USP13: variants seen among roughly 807,000 people sequenced by gnomAD.
USP13 encodes ubiquitin specific peptidase 13.
In USP13, 68 loss-of-function variants were observed where a neutral mutation model predicts 107.8. The ratio of observed to expected loss-of-function variants is 0.63; its 90% CI spans 0.52 to 0.77. USP13 has a LOEUF of 0.77. Among genes scored for constraint, USP13 ranks in the 30% least tolerant of loss-of-function variants. The pLI is 0.00. For synonymous variants in USP13, 377 were observed against 389.5 expected (o/e 0.97, Z 0.38); for missense variants, 945 against 1,093.3 (o/e 0.86, Z 1.91).
intron 1 of USP13, among the ~76,000 whole-genome samples, chr3:179,674,268 A>T (rs564957097): frequency 4.6e-5 from 7 of 152,312 alleles, no homozygotes; most frequent in African/African-American, 1.4e-4. Flanking sequence ...TTTGCCCAGG[A>T]CATAGACCAG....
rs1715953306 is a variant in USP13, at chr3:179,787,789, ACAGGGTTTTGC to A, written c.*3651_*3661del. 1 of 152,224 alleles carries A rather than the reference ACAGGGTTTTGC, an allele frequency of 6.6e-6. No homozygotes were observed. The highest frequency in any genetic ancestry group is 2.4e-5 in the African/African-American group (1 of 41,438). 9.4% of individuals were successfully genotyped at this position (152,224 alleles called of 1,614,324 possible). The stretch of plus-strand genomic sequence containing the variant: ...GCTAATTTTTGTATTTTTAGTAGAG[ACAGGGTTTTGC>A]CATGTTGGCCAGGCTGGTCTTGAAC... On this transcript the variant is annotated 3_prime_UTR_variant, in exon 21 of 21. Transcript: ENST00000263966.
chr3:179,659,467 G>C (rs1208470397), intron 1 of USP13, among the ~76,000 whole-genome samples: 1 of 152,182 alleles, frequency 6.6e-6, no homozygotes, highest in Non-Finnish European at 1.5e-5. Flanking sequence ...GGGTGTAGCA[G>C]TCTGTGTGTT....
rs546239368 is a variant in USP13, at chr3:179,767,431, T to G, written c.2413+1583T>G. Among the ~76,000 whole-genome samples, 303 of 151,476 alleles carry G rather than the reference T, an allele frequency of 2.0e-3. 3 individuals are homozygous for G. The highest frequency in any genetic ancestry group is 7.1e-3 in the African/African-American group (293 of 41,294). On this transcript the variant is annotated intron_variant, in intron 19 of 20. Coordinates refer to ENST00000263966, the MANE Select transcript of USP13 (RefSeq NM_003940.3). ...AATGCATTGTTAGTTTTTTTTGGTT[T>G]TTTTTTTTTTTGAGACAGAGTCTCA... is the stretch of plus-strand genomic sequence containing the variant.
chr3:179,774,419 A>G (rs1194001036), intron 19 of USP13, among the ~76,000 whole-genome samples: 1 of 152,122 alleles, frequency 6.6e-6, no homozygotes, highest in African/African-American at 2.4e-5. Flanking sequence ...GACATGTTCA[A>G]AGTTTCTTTC....
At chr3:179,670,050 C>T (rs1385215119) in intron 1 of USP13, among the ~76,000 whole-genome samples, 1 of 152,194 alleles carries the variant, frequency 6.6e-6, no homozygotes, top group Non-Finnish European at 1.5e-5. Flanking sequence ...CAGGACCCTG[C>T]TGGCTTCCTA....
intron 2 of USP13, among the ~76,000 whole-genome samples, chr3:179,683,691 A>G (rs1271357747): frequency 2.6e-5 from 4 of 152,300 alleles, no homozygotes; most frequent in Admixed American, 1.3e-4. Flanking sequence ...CTCCCATGAC[A>G]TGGGGGAATT....
rs571196444 is a variant in USP13, at chr3:179,742,563, A to G, written c.1534+213A>G. 6.6e-6 allele frequency among the ~76,000 whole-genome samples: 1 copy of G among 152,338 alleles called. No homozygotes were observed. Among genetic ancestry groups the G allele is most frequent in the Admixed American group, 6.5e-5 (1 of 15,302 alleles). On this transcript the variant is annotated intron_variant, in intron 12 of 20. Transcript: ENST00000263966. This position sits in a 1 kb window ranked among gnomAD's most constrained non-coding sequence, Gnocchi z 5.0. ...GCATCACAGGTTTTATGGAGGCGTT[A>G]TGGTTGGAACCTACGTCACTGCCTA...
intron 1 of USP13, among the ~76,000 whole-genome samples, chr3:179,676,775 TGAATG>T (rs556919137): frequency 8.2e-4 from 125 of 152,300 alleles, no homozygotes; most frequent in African/African-American, 2.9e-3. Flanking sequence ...GAACTACTGG[TGAATG>T]TATTGGGCAG....
At chr3:179,763,522 A>T (rs1176819380) in intron 17 of USP13, among the ~76,000 whole-genome samples, 1 of 152,172 alleles carries the variant, frequency 6.6e-6, no homozygotes, top group Non-Finnish European at 1.5e-5. Flanking sequence ...CCACAGGTAT[A>T]TGGTTTTATT....
At chr3:179,728,944 G>C (rs969946693) in intron 8 of USP13, among the ~76,000 whole-genome samples, 1 of 151,356 alleles carries the variant, frequency 6.6e-6, no homozygotes, top group Admixed American at 6.6e-5. Context: ...GGGAGACCGT[G>C]GAGAGAGGGA....
At chr3:179,728,159 G>A (rs1178913093) in intron 8 of USP13, among the ~76,000 whole-genome samples, 2 of 133,702 alleles carry the variant, frequency 1.5e-5, no homozygotes, top group East Asian at 2.4e-4. Context: ...GGGCAGAGGC[G>A]CCCCTCACCT....
intron 2 of USP13, among the ~76,000 whole-genome samples, chr3:179,687,608 A>AAG (rs1190928388): frequency 1.4e-5 from 2 of 140,044 alleles, no homozygotes; most frequent in Admixed American, 7.9e-5. Flanking sequence ...GCGGTAAGCC[A>AAG]AGATCATGCC....
intron 19 of USP13, among the ~76,000 whole-genome samples, chr3:179,775,460 G>A (rs907342241): frequency 5.9e-5 from 9 of 152,384 alleles, no homozygotes; most frequent in East Asian, 3.9e-4. Flanking sequence ...GCTTTGCCTA[G>A]TGGATCCTGT....
chr3:179,730,570 A>C (rs201531406), intron 9 of USP13, 46 bp from the exon 10 acceptor site: 28 of 1,516,032 alleles, frequency 1.8e-5, no homozygotes, highest in Admixed American at 3.6e-5. Context: ...ATTACTATGG[A>C]AAAACAACAA....
rs767914957 is a variant in USP13, at chr3:179,701,039, C to T, written c.387C>T (p.Asp129=). 9.3e-6 allele frequency: 15 copies of T among 1,613,784 alleles called. No individual in the cohort carries two copies. The highest frequency in any genetic ancestry group is 1.2e-5 in the Non-Finnish European group (14 of 1,179,964). The change falls in exon 4 of 21, where the codon GAC becomes GAT. Residue 129 remains aspartate (D), a synonymous_variant. Coordinates refer to ENST00000263966, the MANE Select transcript of USP13 (RefSeq NM_003940.3). The part of the protein sequence containing the change: ...DLDTDDDLNS[D]DYEYEDEAKL... ...ATACTGATGACGATTTAAATAGCGA[C>T]GATTATGAATATGAAGATGAAGCCA...
chr3:179,770,361 G>A (rs975762983), intron 19 of USP13, among the ~76,000 whole-genome samples: 1 of 152,078 alleles, frequency 6.6e-6, no homozygotes, highest in African/African-American at 2.4e-5. Context: ...GTTATATCTC[G>A]AAATTACATT....
Position 179,685,718 on chromosome 3 carries a change from G to A in USP13, c.294+3715G>A, listed in dbSNP as rs137871125. On this transcript the variant is annotated intron_variant, in intron 2 of 20. Transcript: ENST00000263966. ...AAAGTTAGCAGCAGAACTGTGGAAT[G>A]CTGGTAAACTTGTACAGTTAGCTCT... Among the ~76,000 whole-genome samples, 64 of 151,958 alleles carry A rather than the reference G, an allele frequency of 4.2e-4. 1 individual carries two copies. The East Asian group carries it at 0.011, about 27-fold the overall frequency.
chr3:179,674,315 A>T (rs1720831839), intron 1 of USP13, among the ~76,000 whole-genome samples: 1 of 152,220 alleles, frequency 6.6e-6, no homozygotes, highest in Admixed American at 6.5e-5. Flanking sequence ...GTGGTGAGTA[A>T]GACCATATCT....
chr3:179,680,700 G>C (rs866382629), intron 1 of USP13, among the ~76,000 whole-genome samples: 1 of 151,948 alleles, frequency 6.6e-6, no homozygotes, highest in Non-Finnish European at 1.5e-5. Flanking sequence ...GCACCACCAC[G>C]CCCGGCTAAT....
Sources: gnomAD v4.1 joint callset for allele counts (sites outside exome capture counted in the v4.1 genomes callset) on GRCh38, gnomAD v4.1.1 for gene constraint, Gnocchi (gnomAD v3.1) non-coding constraint, MANE v1.5 for transcripts, NCBI Gene and HGNC (gene_info 2026-07-23, HGNC 2026-07-21) for gene names.